ATAD2: variants seen among roughly 807,000 people sequenced by gnomAD.
ATAD2 encodes ATPase family AAA domain-containing protein 2.
ATAD2 carries 62 observed loss-of-function variants against 168.9 expected under a neutral mutation model. The observed-to-expected ratio is 0.37, with a 90% confidence interval of 0.30 to 0.45. The LOEUF (loss-of-function observed/expected upper bound fraction) is 0.45. Among genes scored for constraint, ATAD2 ranks in the 20% least tolerant of loss-of-function variants. The probability of loss-of-function intolerance (pLI) is 1.00; values close to 1 mark genes in which losing one functional copy is unlikely to be tolerated. For synonymous variants in ATAD2, 613 were observed against 571.6 expected, an observed-to-expected ratio of 1.07 and a Z score of -1.03; for missense variants, 1,419 against 1,667.8, an observed-to-expected ratio of 0.85 and a Z score of 2.60.
chr8:123,332,593 T>C (rs1827803400), intron 24 of ATAD2, among the ~76,000 whole-genome samples: 1 of 152,222 alleles, frequency 6.6e-6, no homozygotes, highest in African/African-American at 2.4e-5. Flanking sequence ...TCTGTGCTGC[T>C]GTATGTAGTT....
At chr8:123,332,036 G>A (rs1827787893) in intron 24 of ATAD2, among the ~76,000 whole-genome samples, 1 of 152,184 alleles carries the variant, frequency 6.6e-6, no homozygotes, top group South Asian at 2.1e-4. Context: ...CTGTGTTTGT[G>A]TGGTAAGTTT....
At position 123,358,283 on chromosome 8, in the gene ATAD2, C is replaced by A. The variant is rs375894533; in HGVS notation, c.1383-547G>T. 1.3e-4 allele frequency among the ~76,000 whole-genome samples: 20 copies of A among 152,262 alleles called. No individual in the cohort carries two copies. In the East Asian group the frequency reaches 3.1e-3, roughly 23 times the overall value. The stretch of plus-strand genomic sequence containing the variant: ...ACAACCTCAAATTCCTGAGCTAAAG[C>A]AATCTTCCTGTCTTAGTCTCCCAAG... On this transcript the variant is annotated intron_variant, in intron 11 of 27. Coordinates refer to ENST00000287394, the MANE Select transcript of ATAD2 (RefSeq NM_014109.4).
In ATAD2 at chr8:123,362,152, T is replaced by C. The variant is rs56229212; in HGVS notation, c.1050-506A>G. 8.4e-3 allele frequency among the ~76,000 whole-genome samples: 1,271 copies of C among 152,032 alleles called. 13 individuals are homozygous for C. The highest frequency in any genetic ancestry group is 0.029 in the African/African-American group (1,192 of 41,454). ...CTAAAAATCAAAAAGCTTAGACAGG[T>C]ATGGTTGTAGCACATCTGTTGTCCC... On this transcript the variant is annotated intron_variant, in intron 8 of 27. Coordinates refer to ENST00000287394, the MANE Select transcript of ATAD2 (RefSeq NM_014109.4).
upstream of ATAD2, among the ~76,000 whole-genome samples, chr8:123,396,740 G>A (rs1812863652): frequency 6.6e-6 from 1 of 152,158 alleles, no homozygotes; most frequent in African/African-American, 2.4e-5. Flanking sequence ...TTTTGGCGCG[G>A]GACGGCGGCG....
rs142873927 is a variant in ATAD2 at position 123,323,004 on chromosome 8, C to T, written c.4065G>A (p.Leu1355=). ...AAATACATTGGCTGATTACTGCATA[C>T]AAATTTTCCAACTGAAATATGTTGT... ...QNYNIFQLEN[L]YAVISQCIYR... The change falls in exon 27 of 28, where the codon TTG becomes TTA. Residue 1355 remains leucine, a synonymous_variant. Transcript: ENST00000287394. 7.4e-6 allele frequency: 12 copies of T among 1,612,972 alleles called. No individual in the cohort carries two copies. The Admixed American group carries it at 1.8e-4, about 25-fold the overall frequency.
intron 20 of ATAD2, among the ~76,000 whole-genome samples, chr8:123,338,432 A>C (rs1371320966): frequency 6.6e-6 from 1 of 152,110 alleles, no homozygotes; most frequent in Non-Finnish European, 1.5e-5. Flanking sequence ...AAAATATTCT[A>C]ACTATAAAAA....
At chr8:123,376,203 C>T (rs566714253) in intron 2 of ATAD2, among the ~76,000 whole-genome samples, 13 of 151,834 alleles carry the variant, frequency 8.6e-5, no homozygotes, top group African/African-American at 2.2e-4. Flanking sequence ...GTCAGGAGTT[C>T]GAGACCAGCC....
chr8:123,400,298 C>A (rs1031017800), upstream of ATAD2, among the ~76,000 whole-genome samples: 14 of 152,150 alleles, frequency 9.2e-5, no homozygotes, highest in Admixed American at 8.5e-4. This position sits in a 1 kb window ranked among gnomAD's most constrained non-coding sequence, Gnocchi z 4.5. Flanking sequence ...AGTGCAAAGG[C>A]CCTGAGGTAG....
chr8:123,328,426 T>A lies in ATAD2; in HGVS notation c.3632A>T (p.Asp1211Val), dbSNP rs761227886. ...TCCTGTGTTTCCGGTCTCATTATGA[T>A]CTACACTTGTGTCTTGAGTTTCCTC... The part of the protein sequence containing the change: ...DTEETQDTSV[D>V]HNETGNTGES... Residue 1211 changes from aspartate (D) to valine (V), a missense_variant, in exon 25 of 28, where the codon GAT (aspartate) becomes GTT (valine). Asp to Val is a radical substitution (Grantham distance 152, BLOSUM62 -3). Around this residue, in one of 5 missense-constraint regions of ATAD2, gnomAD observed 303 missense variants for 304.3 expected, o/e 1.00. Coordinates refer to ENST00000287394, the MANE Select transcript of ATAD2 (RefSeq NM_014109.4). The A allele has an allele frequency of 4.3e-6, 7 of 1,611,116 alleles. 1 individual carries two copies. The highest frequency in any genetic ancestry group is 3.4e-6 in the Non-Finnish European group (4 of 1,178,944).
chr8:123,351,715 C>A (rs1828466332), intron 13 of ATAD2, among the ~76,000 whole-genome samples: 1 of 151,608 alleles, frequency 6.6e-6, no homozygotes, highest in African/African-American at 2.4e-5. Flanking sequence ...CCTTAGGTGA[C>A]CAGTTGAATT....
intron 3 of ATAD2, among the ~76,000 whole-genome samples, chr8:123,372,103 C>T (rs1258306285): frequency 6.6e-6 from 1 of 152,056 alleles, no homozygotes; most frequent in Admixed American, 6.5e-5. Context: ...TTTGTGATAG[C>T]CCCAAACCAG....
chr8:123,337,471 G>C (rs1325039762), intron 21 of ATAD2, among the ~76,000 whole-genome samples, 154 bp downstream of exon 21: 1 of 152,196 alleles, frequency 6.6e-6, no homozygotes, highest in Non-Finnish European at 1.5e-5. Flanking sequence ...TGCTCTTAAA[G>C]TCTACATGTG....
intron 1 of ATAD2, among the ~76,000 whole-genome samples, chr8:123,381,234 A>AT (rs1829484253): frequency 6.6e-6 from 1 of 152,208 alleles, no homozygotes; most frequent in Admixed American, 6.5e-5. Context: ...ATGGTGGCTT[A>AT]TGCCTGCAAT....
At chr8:123,336,582 A>C in intron 21 of ATAD2, 50 bp from the exon 22 acceptor site, 1 of 1,393,694 alleles carries the variant, frequency 7.2e-7, no homozygotes, top group Non-Finnish European at 9.5e-7. Context: ...TAAACATAAC[A>C]TGTGAGTCAA....
At position 123,370,931 on chromosome 8, in the gene ATAD2, T is replaced by A; in HGVS notation, c.699A>T (p.Glu233Asp). 1 of 1,608,004 alleles carries A rather than the reference T, an allele frequency of 6.2e-7. No individual in the cohort carries two copies. Among genetic ancestry groups the A allele is most frequent in the Non-Finnish European group, 8.5e-7 (1 of 1,176,534 alleles). Residue 233 changes from glutamate to aspartate, a missense_variant, in exon 6 of 28, where the codon GAA becomes GAT. Glu to Asp is a conservative substitution (Grantham distance 45, BLOSUM62 2). Around this residue, in one of 5 missense-constraint regions of ATAD2, gnomAD observed 419 missense variants for 423.5 expected, o/e 0.99. Transcript: ENST00000287394. The stretch of plus-strand genomic sequence containing the variant: ...CACTGCCTTCTTGATTATCAGTTGT[T>A]TCTTCATCAGTTCTTTGAATATCTT... ...KQKDIQRTDE[E>D]TTDNQEGSVE...
Position 123,356,369 on chromosome 8 carries a change from T to G in ATAD2, c.1646+20A>C. The G allele has an allele frequency of 6.3e-7, 1 of 1,582,818 alleles. No homozygotes were observed. The highest frequency in any genetic ancestry group is 8.7e-7 in the Non-Finnish European group (1 of 1,154,110). ...CAGGAAATAGGAAGAAACGTTGAAG[T>G]GCCATCAAGCAAGTTTTACCTGTGA... On this transcript the variant is annotated intron_variant, in intron 13 of 27. Transcript: ENST00000287394.
At chr8:123,395,769 C>T (rs558585188) in intron 1 of ATAD2, among the ~76,000 whole-genome samples, 19 of 152,254 alleles carry the variant, frequency 1.2e-4, no homozygotes, top group Admixed American at 6.5e-4. Context: ...CCCCCTCCCC[C>T]CCAACGTTTA....
intron 17 of ATAD2, 62 bp downstream of exon 17, chr8:123,346,556 A>G (rs1828248562): frequency 7.2e-7 from 1 of 1,389,796 alleles, no homozygotes; most frequent in African/African-American, 1.5e-5. Context: ...TTTCAACCAC[A>G]TCTCATTTAT....
Position 123,345,044 on chromosome 8 carries a change from G to A in ATAD2, c.2558C>T (p.Ala853Val), listed in dbSNP as rs905909000. 1.2e-6 allele frequency: 2 copies of A among 1,610,712 alleles called. No individual in the cohort carries two copies. Among genetic ancestry groups the A allele is most frequent in the Non-Finnish European group, 1.7e-6 (2 of 1,177,370 alleles). The change falls in exon 19 of 28, where the codon GCA becomes GTA. Residue 853 changes from alanine (A) to valine (V), a missense_variant. By Grantham distance (64) the Ala-to-Val change is moderately conservative. Around this residue, in one of 5 missense-constraint regions of ATAD2, gnomAD observed 545 missense variants for 724.9 expected, o/e 0.75. Transcript: ENST00000287394. ...ATGAGGAACATACACTATACTTGGT[G>A]CTGTTCTCTTAGCTTCACGAATCAC... ...AQVIREAKRT[A>V]PSIVYVPHIH...
Sources: gnomAD v4.1 joint callset for allele counts (sites outside exome capture counted in the v4.1 genomes callset) on GRCh38, gnomAD v4.1.1 for gene constraint, gnomAD v4.1.1 regional missense constraint, Gnocchi (gnomAD v3.1) non-coding constraint, MANE v1.5 for transcripts, NCBI Gene and HGNC (gene_info 2026-07-23, HGNC 2026-07-21) for gene names.